The following TMC1 variants were observed in gnomAD, a reference collection of about 807,000 sequenced individuals.
TMC1 encodes the protein transmembrane channel-like protein 1.
A neutral mutation model predicts 105.8 loss-of-function variants in TMC1; 84 were observed. The observed-to-expected ratio is 0.79, with a 90% CI of 0.67 to 0.95. The LOEUF is 0.95. Ranked by LOEUF, TMC1 falls within the 40% of genes least tolerant of loss-of-function variation. The pLI, the probability that TMC1 is intolerant of heterozygous loss-of-function variation, is 0.00. For synonymous variants in TMC1, 315 were observed against 311.5 expected (o/e 1.01, Z -0.12); for missense variants, 817 against 914.1 (o/e 0.89, Z 1.37).
intron 13 of TMC1, among the ~76,000 whole-genome samples, chr9:72,787,158 A>G (rs1459180011): frequency 6.6e-6 from 1 of 152,148 alleles, no homozygotes; most frequent in East Asian, 1.9e-4. Flanking sequence ...AAATTATTTC[A>G]TGCCTTTGAG....
At position 72,772,493 on chromosome 9, in the gene TMC1, G is replaced by A. The variant is rs370523728; in HGVS notation, c.822G>A (p.Pro274=). 172 of 1,613,736 alleles carry A rather than the reference G, an allele frequency of 1.1e-4. No individual in the cohort carries two copies. The highest frequency in any genetic ancestry group is 3.0e-4 in the Admixed American group (18 of 59,994). ...TTGGATGGATGAATTTCAGGTTGCC[G>A]CTCTCCTATTTTCTAGTGGGGATTA... ...RTIGWMNFRL[P]LSYFLVGIMC... is the part of the protein sequence containing the mutation. The change falls in exon 13 of 24, where the codon CCG becomes CCA. Residue 274 remains proline, a synonymous_variant. Transcript: ENST00000297784.
intron 5 of TMC1, among the ~76,000 whole-genome samples, chr9:72,676,527 C>T (rs1469590660): frequency 1.3e-5 from 2 of 152,102 alleles, no homozygotes; most frequent in African/African-American, 4.8e-5. Flanking sequence ...ACAATTCCTT[C>T]CTTTCACTAA....
intron 19 of TMC1, among the ~76,000 whole-genome samples, chr9:72,819,583 G>A (rs559258596): frequency 3.4e-4 from 51 of 152,224 alleles, no homozygotes; most frequent in Admixed American, 2.5e-3. Context: ...TCTATTGTCC[G>A]AAATCTTGTC....
At chr9:72,665,289 A>C (rs901459577) in intron 5 of TMC1, among the ~76,000 whole-genome samples, 3 of 152,170 alleles carry the variant, frequency 2.0e-5, no homozygotes, top group African/African-American at 7.2e-5. Flanking sequence ...ACATCTTCTG[A>C]GAGCTGCTTT....
rs149267116 is a variant in TMC1 at position 72,768,411 on chromosome 9, T to C, written c.742-4002T>C. Among the ~76,000 whole-genome samples, 654 of 152,282 alleles carry C rather than the reference T, an allele frequency of 4.3e-3. 2 individuals are homozygous for C. Among genetic ancestry groups the C allele is most frequent in the African/African-American group, 0.015 (628 of 41,540 alleles). On this transcript the variant is annotated intron_variant, in intron 12 of 23. Coordinates refer to ENST00000297784, the MANE Select transcript of TMC1 (RefSeq NM_138691.3). Reference sequence around the variant, plus strand: ...GGGTGCAGCAAACCACCATGGCATATGTATACCTATGTAACAAACCTGCAC... The same window carrying C: ...GGGTGCAGCAAACCACCATGGCATACGTATACCTATGTAACAAACCTGCAC...
chr9:72,754,185 C>T (rs181472197), intron 11 of TMC1, among the ~76,000 whole-genome samples: 1 of 152,200 alleles, frequency 6.6e-6, no homozygotes, highest in East Asian at 1.9e-4. Context: ...TCTCACTGGC[C>T]CACTCTTCCC....
intron 5 of TMC1, among the ~76,000 whole-genome samples, chr9:72,653,014 A>G (rs1160212086): frequency 6.6e-6 from 1 of 152,218 alleles, no homozygotes; most frequent in Admixed American, 6.5e-5. Flanking sequence ...TACTATATAT[A>G]AAGATGAATA....
At chr9:72,718,137 A>G (rs1826954994) in intron 8 of TMC1, among the ~76,000 whole-genome samples, 1 of 151,498 alleles carries the variant, frequency 6.6e-6, no homozygotes, top group African/African-American at 2.4e-5. Flanking sequence ...CTTAAGTTGG[A>G]CTTCACCTTT....
intron 10 of TMC1, 53 bp from the exon 11 acceptor site, chr9:72,751,793 TTTTG>T (rs535224088): frequency 2.0e-5 from 23 of 1,148,610 alleles, no homozygotes; most frequent in Middle Eastern, 1.9e-4. Context: ...ACAAAGCTCT[TTTTG>T]TTTGTTTGTT....
chr9:72,714,061 G>A (rs191179126), intron 8 of TMC1, among the ~76,000 whole-genome samples: 4 of 152,104 alleles, frequency 2.6e-5, no homozygotes, highest in East Asian at 3.9e-4. Context: ...GTTCAGTTTC[G>A]ATGTAGTTGT....
intron 15 of TMC1, among the ~76,000 whole-genome samples, chr9:72,789,551 T>TA (rs143206763): frequency 6.6e-6 from 1 of 152,172 alleles, no homozygotes; most frequent in Non-Finnish European, 1.5e-5. Flanking sequence ...GAAAAGATAT[T>TA]AAAAAACACA....
intron 1 of TMC1, among the ~76,000 whole-genome samples, chr9:72,568,322 T>C (rs768015386): frequency 6.6e-6 from 1 of 152,188 alleles, no homozygotes; most frequent in Non-Finnish European, 1.5e-5. Context: ...TATTCTAAAA[T>C]GTTTCTTACA....
chr9:72,683,005 C>T (rs1301565487), intron 5 of TMC1, among the ~76,000 whole-genome samples: 22 of 152,168 alleles, frequency 1.4e-4, no homozygotes, highest in Admixed American at 1.4e-3. Flanking sequence ...CTTGTGAGAA[C>T]TCACTATTCC....
At position 72,769,993 on chromosome 9, in the gene TMC1, A is replaced by G. The variant is rs549218375; in HGVS notation, c.742-2420A>G. On this transcript the variant is annotated intron_variant, in intron 12 of 23. Coordinates refer to ENST00000297784, the MANE Select transcript of TMC1 (RefSeq NM_138691.3). ...ATAGAAGGAGATTGGATTTAACACA[A>G]GTGGGAAGAAGCAGAGATCTTAACT... 3.3e-5 allele frequency among the ~76,000 whole-genome samples: 5 copies of G among 152,316 alleles called. No individual in the cohort carries two copies. In the South Asian group the frequency reaches 8.3e-4, roughly 25 times the overall value.
intron 2 of TMC1, among the ~76,000 whole-genome samples, chr9:72,605,033 T>C (rs573708022): frequency 6.6e-6 from 1 of 152,314 alleles, no homozygotes; most frequent in Admixed American, 6.5e-5. Context: ...TATTCTCTTC[T>C]CTTAAAATGA....
At chr9:72,815,650 A>G (rs1828774757) in intron 18 of TMC1, among the ~76,000 whole-genome samples, 1 of 152,132 alleles carries the variant, frequency 6.6e-6, no homozygotes, top group Non-Finnish European at 1.5e-5. Context: ...TTTCAAAATG[A>G]TTGTAATTCA....
intron 1 of TMC1, among the ~76,000 whole-genome samples, chr9:72,555,677 G>A (rs1341381660): frequency 1.3e-5 from 2 of 151,572 alleles, no homozygotes; most frequent in East Asian, 3.9e-4. Flanking sequence ...CTGGAGTGCA[G>A]TGGCGCAATC....
chr9:72,653,735 A>G (rs182720407), intron 5 of TMC1, among the ~76,000 whole-genome samples: 18 of 152,236 alleles, frequency 1.2e-4, no homozygotes, highest in Admixed American at 1.2e-3. Context: ...ATGTTTCCTC[A>G]TGCCTTCTTG....
intron 4 of TMC1, among the ~76,000 whole-genome samples, chr9:72,640,655 C>T (rs986193651): frequency 3.3e-5 from 5 of 150,156 alleles, no homozygotes; most frequent in Non-Finnish European, 5.9e-5. Flanking sequence ...TTTTTTGAGA[C>T]GGAGTGCCGC....
Sources: allele counts gnomAD v4.1 joint callset (sites outside exome capture counted in the v4.1 genomes callset), GRCh38; gene constraint gnomAD v4.1.1; transcripts MANE v1.5; gene names NCBI Gene and HGNC (gene_info 2026-07-23, HGNC 2026-07-21).